Variants in RCC1L observed in about 807,000 individuals in gnomAD.
RCC1L encodes the protein RCC1-like G exchanging factor-like protein.
A neutral mutation model predicts 58.6 loss-of-function variants in RCC1L; 46 were observed. The ratio of observed to expected loss-of-function variants is 0.79; its 90% CI spans 0.62 to 1.00. The LOEUF is 1.00. RCC1L is among the 50% of genes least tolerant of loss of function. The probability of loss-of-function intolerance (pLI) is 0.00; values close to 1 mark genes in which losing one functional copy is unlikely to be tolerated. For missense variants in RCC1L, 636 were observed against 623.6 expected (o/e 1.02, Z -0.21); for synonymous variants, 281 against 262.9 (o/e 1.07, Z -0.67).
chr7:75,062,102 C>T (rs1023555213), intron 5 of RCC1L, among the ~76,000 whole-genome samples: 14 of 152,048 alleles, frequency 9.2e-5, no homozygotes, highest in Admixed American at 3.3e-4. Flanking sequence ...GCACGAGAAT[C>T]GCTTGAACCC....
At chr7:75,054,014 C>T (rs2131989919) in intron 9 of RCC1L, among the ~76,000 whole-genome samples, 1 of 152,220 alleles carries the variant, frequency 6.6e-6, no homozygotes, top group African/African-American at 2.4e-5. Flanking sequence ...GCAGTCCTTC[C>T]ACCTCAGCCT....
chr7:75,041,690 C>T (rs1289635201), downstream of RCC1L, among the ~76,000 whole-genome samples: 17 of 151,932 alleles, frequency 1.1e-4, no homozygotes, highest in South Asian at 3.3e-3. Context: ...GAAACCCCAT[C>T]TCTACTAAAA....
chr7:75,059,668 C>T (rs1193987871), intron 6 of RCC1L, among the ~76,000 whole-genome samples: 1 of 152,098 alleles, frequency 6.6e-6, no homozygotes, highest in Non-Finnish European at 1.5e-5. Context: ...GCCTCAGCCT[C>T]CCAAAGTGCT....
At chr7:75,064,220 C>T (rs1202809178) in intron 4 of RCC1L, among the ~76,000 whole-genome samples, 1 of 151,400 alleles carries the variant, frequency 6.6e-6, no homozygotes, top group Non-Finnish European at 1.5e-5. Flanking sequence ...GTCCCAGCTA[C>T]TCAGGAGGCT....
chr7:75,064,552 T>C, intron 4 of RCC1L, 30 bp downstream of exon 4: 1 of 1,612,712 alleles, frequency 6.2e-7, no homozygotes, highest in South Asian at 1.1e-5. Context: ...TAACTCAACA[T>C]GGGGAAGGGT....
intron 8 of RCC1L, among the ~76,000 whole-genome samples, chr7:75,057,066 T>C (rs970427580): frequency 3.3e-5 from 5 of 152,168 alleles, no homozygotes; most frequent in Admixed American, 1.3e-4. Context: ...CTCTGCCTCC[T>C]GGGTCCAAGC....
chr7:75,045,823 TTTC>T (rs1378007700), intron 10 of RCC1L, among the ~76,000 whole-genome samples: 1 of 152,212 alleles, frequency 6.6e-6, no homozygotes, highest in Non-Finnish European at 1.5e-5. Flanking sequence ...CTTCTCTTCC[TTTC>T]TTAAGTGCCA....
chr7:75,072,056 A>C (rs1554446190), intron 1 of RCC1L, among the ~76,000 whole-genome samples: 1 of 148,140 alleles, frequency 6.8e-6, no homozygotes, highest in African/African-American at 2.5e-5. Flanking sequence ...TGATCACGCC[A>C]CTGTACTCCA....
intron 4 of RCC1L, among the ~76,000 whole-genome samples, chr7:75,063,646 C>T (rs1047828520): frequency 2.6e-5 from 4 of 152,096 alleles, no homozygotes; most frequent in Non-Finnish European, 5.9e-5. Flanking sequence ...TCACCGGGCG[C>T]GGTGGGTCAC....
intron 10 of RCC1L, among the ~76,000 whole-genome samples, chr7:75,030,991 A>G (rs2131965829): frequency 6.6e-6 from 1 of 152,332 alleles, no homozygotes; most frequent in Non-Finnish European, 1.5e-5. Context: ...CAGCAGGCCA[A>G]GTTCAGGTCC....
downstream of RCC1L, among the ~76,000 whole-genome samples, chr7:75,039,414 G>A (rs1211467094): frequency 6.6e-6 from 1 of 152,224 alleles, no homozygotes; most frequent in Non-Finnish European, 1.5e-5. Flanking sequence ...TAATGAAAAT[G>A]TGGGCTGACC....
intron 3 of RCC1L, among the ~76,000 whole-genome samples, chr7:75,065,216 T>C (rs1806427097): frequency 6.6e-6 from 1 of 150,994 alleles, no homozygotes; most frequent in South Asian, 2.1e-4. Flanking sequence ...AAAGAGCTCC[T>C]AAATGCCACC....
chr7:75,037,468 C>T (rs1322279125), downstream of RCC1L, among the ~76,000 whole-genome samples: 1 of 151,020 alleles, frequency 6.6e-6, no homozygotes, highest in East Asian at 2.0e-4. Context: ...GGATTACAGG[C>T]GTGAGCTACC....
At chr7:75,068,699 A>C (rs920714318) in intron 2 of RCC1L, among the ~76,000 whole-genome samples, 7 of 152,072 alleles carry the variant, frequency 4.6e-5, no homozygotes, top group Non-Finnish European at 7.4e-5. Context: ...AACAAACAAA[A>C]AAGATATCTG....
chr7:75,059,199 A>G (rs1158599411), intron 6 of RCC1L, among the ~76,000 whole-genome samples: 6 of 150,872 alleles, frequency 4.0e-5, no homozygotes, highest in Non-Finnish European at 7.4e-5. Flanking sequence ...AAAAAAAAAA[A>G]AAAAGAAAAA....
chr7:75,033,588 G>A (rs1041299327), intron 10 of RCC1L, among the ~76,000 whole-genome samples: 22 of 152,082 alleles, frequency 1.4e-4, no homozygotes, highest in African/African-American at 1.9e-4. Context: ...CCAGCTACTC[G>A]GGAGGCTAAG....
At chr7:75,063,529 C>T (rs1020690618) in intron 4 of RCC1L, among the ~76,000 whole-genome samples, 186 bp from the exon 5 acceptor site, 1 of 152,106 alleles carries the variant, frequency 6.6e-6, no homozygotes, top group South Asian at 2.1e-4. Context: ...CAAACAAAAT[C>T]CTAGGTGATT....
chr7:75,069,693 C>T (rs587671329), intron 2 of RCC1L, among the ~76,000 whole-genome samples: 2 of 152,192 alleles, frequency 1.3e-5, no homozygotes, highest in African/African-American at 4.8e-5. Flanking sequence ...TCCGAAGTAG[C>T]TGGGACTATA....
At chr7:75,039,053 C>A (rs1483205322), downstream of RCC1L, among the ~76,000 whole-genome samples, 1 of 152,160 alleles carries the variant, frequency 6.6e-6, no homozygotes, top group African/African-American at 2.4e-5. Context: ...GTTGGCCAGG[C>A]GGTCTCAAAC....
Sources: allele counts gnomAD v4.1 joint callset (sites outside exome capture counted in the v4.1 genomes callset), GRCh38; gene constraint gnomAD v4.1.1; transcripts MANE v1.5; gene names NCBI Gene and HGNC (gene_info 2026-07-23, HGNC 2026-07-21).